Variants in NAV1 observed in about 807,000 individuals in gnomAD.
NAV1 encodes neuron navigator 1.
Under a neutral mutation model 175.2 loss-of-function variants are expected in NAV1, and 18 were observed. The ratio of observed to expected loss-of-function variants is 0.10; its 90% CI spans 0.07 to 0.15. NAV1 has a LOEUF of 0.15. NAV1 is among the 10% of genes least tolerant of loss of function. The pLI, the probability that NAV1 is intolerant of heterozygous loss-of-function variation, is 1.00. For missense variants in NAV1, 1,731 were observed against 2,436.6 expected (o/e 0.71, Z 6.10); for synonymous variants, 897 against 978.7 (o/e 0.92, Z 1.56).
intron 1 of NAV1, among the ~76,000 whole-genome samples, chr1:201,680,798 C>G (rs375400595): frequency 6.6e-6 from 1 of 151,752 alleles, no homozygotes; most frequent in Admixed American, 6.6e-5. Context: ...GGGTGCTGCT[C>G]TAGCCTTTGG....
Position 201,808,325 on chromosome 1 carries a change from G to T in NAV1, c.3846-93G>T. The T allele has an allele frequency of 6.9e-7, 1 of 1,457,136 alleles. No individual in the cohort carries two copies. The highest frequency in any genetic ancestry group is 2.3e-5 in the East Asian group (1 of 43,436). 90.3% of individuals were successfully genotyped at this position (1,457,136 alleles called of 1,614,324 possible). The stretch of plus-strand genomic sequence containing the variant: ...ATGCTGATTGAATATCAATGGGCAG[G>T]AGAAGCCAAGACCACCAACCATGCC... On this transcript the variant is annotated intron_variant, in intron 18 of 29. Coordinates refer to ENST00000367296, the Ensembl canonical transcript of NAV1. The surrounding 1 kb of genome is among the most constrained non-coding windows in gnomAD (Gnocchi z 5.5).
At chr1:201,809,389 C>A in intron 21 of NAV1, 53 bp from the exon 26 acceptor site, 2 of 1,595,488 alleles carry the variant, frequency 1.3e-6, no homozygotes, top group South Asian at 2.2e-5. Flanking sequence ...GACCCCGGTT[C>A]ATGGAGTCAT....
chr1:201,691,290 G>C (rs1422883720), intron 1 of NAV1, among the ~76,000 whole-genome samples: 1 of 152,240 alleles, frequency 6.6e-6, no homozygotes, highest in Non-Finnish European at 1.5e-5. Context: ...CACTATAATA[G>C]AGGCACCGTA....
intron 1 of NAV1, among the ~76,000 whole-genome samples, chr1:201,684,643 T>A (rs570325362): frequency 6.6e-6 from 1 of 151,630 alleles, no homozygotes; most frequent in African/African-American, 2.4e-5. Context: ...CCTGGCTAAT[T>A]TTTGTATTTT....
chr1:201,783,647 A>G, exon 7 of NAV1: 3 of 1,614,220 alleles, frequency 1.9e-6, no homozygotes, highest in Non-Finnish European at 2.5e-6. Flanking sequence ...GAGTGGTTTC[A>G]GTGTGCCAAA....
At chr1:201,806,238 G>A (rs937753183) in intron 17 of NAV1, among the ~76,000 whole-genome samples, 7 of 152,056 alleles carry the variant, frequency 4.6e-5, no homozygotes, top group African/African-American at 1.4e-4. Flanking sequence ...GCCCACCTCC[G>A]CCTCCAAAAG....
chr1:201,629,148 G>A (rs531369142), intron 1 of NAV1, among the ~76,000 whole-genome samples: 1 of 152,306 alleles, frequency 6.6e-6, no homozygotes, highest in East Asian at 1.9e-4. Flanking sequence ...ACTGTAGAAT[G>A]TCAAGGGGTG....
chr1:201,805,951 A>G (rs1294556107), intron 17 of NAV1, among the ~76,000 whole-genome samples: 1 of 151,766 alleles, frequency 6.6e-6, no homozygotes, highest in Non-Finnish European at 1.5e-5. Flanking sequence ...ACCATCGTCA[A>G]ATAAATTTGA....
intron 3 of NAV1, among the ~76,000 whole-genome samples, chr1:201,726,505 C>T (rs1389509256): frequency 1.3e-5 from 2 of 151,822 alleles, no homozygotes; most frequent in Non-Finnish European, 2.9e-5. Context: ...CAAAATTAGC[C>T]AGTGTGGTGG....
chr1:201,547,293 A>G (rs1403231696), intron 1 of NAV1, among the ~76,000 whole-genome samples: 2 of 152,144 alleles, frequency 1.3e-5, no homozygotes, highest in Admixed American at 1.3e-4. Context: ...CCGGCCAAAC[A>G]AGGACATACT....
At chr1:201,800,146 C>T (rs1406892016) in intron 15 of NAV1, among the ~76,000 whole-genome samples, 9 of 151,870 alleles carry the variant, frequency 5.9e-5, no homozygotes, top group South Asian at 2.1e-4. Context: ...ATTAGAGGTG[C>T]GCACCACCAT....
At position 201,597,992 on chromosome 1, in the gene NAV1, G is replaced by A. The variant is rs998397220; in HGVS notation, c.-33+9343G>A. On this transcript the variant is annotated intron_variant, in intron 2 of 33. Transcript: ENST00000685211. ...CAGGATGCCTGGGCGTCAAGATGTCGTCAATGCCTCCAATATATACTGAGT... is the reference window on the plus strand; with the variant it reads ...CAGGATGCCTGGGCGTCAAGATGTCATCAATGCCTCCAATATATACTGAGT... 2.6e-5 allele frequency among the ~76,000 whole-genome samples: 4 copies of A among 152,210 alleles called. No homozygotes were observed. The South Asian group carries it at 6.2e-4, about 24-fold the overall frequency.
rs760781324 is a variant in NAV1, at chr1:201,810,049, C to G, written c.4505C>G (p.Pro1502Arg). ...GTGAAACGAGTGTTGGATGCAGAGCCCCCCGAGATGCCTCCTTGCCGTCGA... is the reference window on the plus strand; with the variant it reads ...GTGAAACGAGTGTTGGATGCAGAGCGCCCCGAGATGCCTCCTTGCCGTCGA... The change falls in exon 23 of 30, where the codon CCC becomes CGC. Residue 1502 changes from proline (P) to arginine (R), a missense_variant. Around this residue, in one of 13 missense-constraint regions of NAV1, gnomAD observed 36 missense variants for 45.3 expected, o/e 0.80. Coordinates refer to ENST00000367296, the Ensembl canonical transcript of NAV1. The surrounding 1 kb of genome is among the most constrained non-coding windows in gnomAD (Gnocchi z 6.0). The G allele has an allele frequency of 3.1e-6, 5 of 1,614,018 alleles. No individual in the cohort carries two copies. Among genetic ancestry groups the G allele is most frequent in the Non-Finnish European group, 4.2e-6 (5 of 1,180,014 alleles).
intron 3 of NAV1, among the ~76,000 whole-genome samples, chr1:201,779,849 T>C (rs981101905): frequency 6.6e-6 from 1 of 152,108 alleles, no homozygotes; most frequent in African/African-American, 2.4e-5. Flanking sequence ...CACCTTAGAT[T>C]TGGTTCACTT....
At chr1:201,656,644 G>A (rs1232444399) in intron 1 of NAV1, among the ~76,000 whole-genome samples, 1 of 152,214 alleles carries the variant, frequency 6.6e-6, no homozygotes, top group African/African-American at 2.4e-5. Flanking sequence ...GTGTCAGGGT[G>A]TGAAGACTAA....
chr1:201,646,753 GC>G (rs1387728885), upstream of NAV1, among the ~76,000 whole-genome samples: 1 of 152,154 alleles, frequency 6.6e-6, no homozygotes, highest in African/African-American at 2.4e-5. Flanking sequence ...AGCGTACAGT[GC>G]TCAGGCCTCC....
chr1:201,655,460 TA>T (rs1460136035), intron 1 of NAV1, among the ~76,000 whole-genome samples: 4 of 151,610 alleles, frequency 2.6e-5, no homozygotes, highest in Non-Finnish European at 4.4e-5. Flanking sequence ...GGTGGGGAGG[TA>T]GGGGGGGCCA....
intron 3 of NAV1, among the ~76,000 whole-genome samples, chr1:201,776,363 C>T (rs1467308173): frequency 5.2e-5 from 7 of 134,844 alleles, no homozygotes; most frequent in Non-Finnish European, 6.3e-5. Flanking sequence ...AAAAAAAGTT[C>T]GGGCATGGTG....
intron 2 of NAV1, among the ~76,000 whole-genome samples, chr1:201,639,890 A>G (rs1182982918): frequency 9.2e-5 from 14 of 152,058 alleles, no homozygotes. Context: ...AAGGGACCTC[A>G]TTTCCGACCC....
Sources: gnomAD v4.1 joint callset for allele counts (sites outside exome capture counted in the v4.1 genomes callset) on GRCh38, gnomAD v4.1.1 for gene constraint, gnomAD v4.1.1 regional missense constraint, Gnocchi (gnomAD v3.1) non-coding constraint, MANE v1.5 for transcripts, NCBI Gene and HGNC (gene_info 2026-07-23, HGNC 2026-07-21) for gene names.